ROS1: variants seen among roughly 807,000 people sequenced by gnomAD.
The protein encoded by ROS1 is proto-oncogene tyrosine-protein kinase ROS.
Under a neutral mutation model 273.5 loss-of-function variants are expected in ROS1, and 263 were observed. The observed-to-expected ratio is 0.96, with a 90% CI of 0.87 to 1.06. The LOEUF is 1.06. ROS1 is among the 50% of genes least tolerant of loss of function. The pLI, the probability that ROS1 is intolerant of heterozygous loss-of-function variation, is 0.00. For missense variants in ROS1, 2,833 were observed against 2,751.1 expected (o/e 1.03, Z -0.67); for synonymous variants, 1,008 against 954.1 (o/e 1.06, Z -1.04).
chr6:117,341,013 A>G (rs2128621144), intron 31 of ROS1, 122 bp downstream of exon 31: 1 of 657,858 alleles, frequency 1.5e-6, no homozygotes, highest in Non-Finnish European at 2.5e-6. Context: ...CATGCCAAAC[A>G]TAAATCAATG....
At chr6:117,379,001 T>A in intron 18 of ROS1, 58 bp downstream of exon 18, 1 of 1,004,768 alleles carries the variant, frequency 1.0e-6, no homozygotes, top group Non-Finnish European at 1.5e-6. Context: ...CCATGCATTA[T>A]CATTTATGAC....
chr6:117,326,091 TTATATATA>T (rs56113300), intron 34 of ROS1, 125 bp downstream of exon 34: 10,996 of 147,768 alleles, frequency 0.074, 224 homozygotes, highest in Middle Eastern at 0.13. Context: ...GATAATAAGA[TTATATATA>T]TATATATATA....
intron 43 of ROS1, among the ~76,000 whole-genome samples, chr6:117,297,293 T>C (rs1774318505): frequency 1.3e-5 from 2 of 152,144 alleles, no homozygotes; most frequent in Admixed American, 6.5e-5. Flanking sequence ...AAAACTCTTC[T>C]GGATATTGAT....
intron 19 of ROS1, 33 bp downstream of exon 19, chr6:117,366,043 T>C: frequency 2.7e-6 from 4 of 1,486,530 alleles, no homozygotes; most frequent in Non-Finnish European, 3.8e-6. Context: ...GAAGGTATAG[T>C]GGAGTAGGGT....
intron 32 of ROS1, among the ~76,000 whole-genome samples, chr6:117,332,181 A>G (rs9489127): frequency 0.14 from 20,991 of 150,964 alleles, 1,525 homozygotes; most frequent in South Asian, 0.16. Flanking sequence ...AAAAAAAAAA[A>G]GAGGGTTGCA....
intron 43 of ROS1, chr6:117,299,742 A>G (rs144874961): frequency 2.0e-5 from 3 of 152,332 alleles, no homozygotes; most frequent in Non-Finnish European, 4.4e-5. Flanking sequence ...AATAACAAGA[A>G]GTTCTAGATA....
Position 117,396,896 on chromosome 6 carries a change from T to C in ROS1, c.806+19A>G. 6.5e-7 allele frequency: 1 copy of C among 1,549,404 alleles called. No individual in the cohort carries two copies. The highest frequency in any genetic ancestry group is 8.9e-7 in the Non-Finnish European group (1 of 1,121,968). The stretch of plus-strand genomic sequence containing the variant: ...CAGCCATGCTGGTTACATTTTCCTC[T>C]GTATCACTTAATTCTTACCTGTAGA... On this transcript the variant is annotated intron_variant, in intron 8 of 43. Coordinates refer to ENST00000368507, the MANE Select transcript of ROS1 (RefSeq NM_001378902.1).
chr6:117,382,585 A>G (rs998470573), intron 17 of ROS1, among the ~76,000 whole-genome samples: 10 of 152,218 alleles, frequency 6.6e-5, no homozygotes, highest in Non-Finnish European at 1.0e-4. Flanking sequence ...AGAAAAAATT[A>G]AAATTTAGAA....
chr6:117,356,998 T>C, intron 25 of ROS1, 83 bp from the exon 26 acceptor site: 1 of 1,169,214 alleles, frequency 8.6e-7, no homozygotes, highest in Non-Finnish European at 1.2e-6. Flanking sequence ...GAGCAACTAT[T>C]GCTAATGACT....
chr6:117,399,827 A>G (rs966795623), intron 7 of ROS1, among the ~76,000 whole-genome samples: 1 of 152,232 alleles, frequency 6.6e-6, no homozygotes, highest in Non-Finnish European at 1.5e-5. Context: ...ATAATATAGT[A>G]ACCTCCCAGC....
chr6:117,389,757 T>A lies in ROS1; in HGVS notation c.1379A>T (p.Glu460Val), dbSNP rs536309296. 1 of 1,614,174 alleles carries A rather than the reference T, an allele frequency of 6.2e-7. No individual in the cohort carries two copies. The highest frequency in any genetic ancestry group is 2.2e-5 in the East Asian group (1 of 44,876). Residue 460 changes from glutamate (E) to valine (V), a missense_variant, in exon 13 of 44, where the codon GAG becomes GTG. Glu to Val is a moderately radical substitution (Grantham distance 121). Transcript: ENST00000368507. The part of the protein sequence containing the change: ...GRCAEAVRIV[E>V]SCTLKDFAIK... ...TGCAAAGTCCTTTAACGTGCAACTC[T>A]CCACAATACGCACAGCTTCTGCACA...
In ROS1 at chr6:117,347,816, C is replaced by G. The variant is rs559076654; in HGVS notation, c.4304-3554G>C. Among the ~76,000 whole-genome samples, 47 of 152,118 alleles carry G rather than the reference C, an allele frequency of 3.1e-4. 1 individual carries two copies. The South Asian group carries it at 9.7e-3, about 32-fold the overall frequency. On this transcript the variant is annotated intron_variant, in intron 27 of 43. Coordinates refer to ENST00000368507, the MANE Select transcript of ROS1 (RefSeq NM_001378902.1). ...TGTCAAAAGCATTTTCTGCATCTATCAATGTGACCGCCTGATTTTTCCTCT... is the reference window on the plus strand; with the variant it reads ...TGTCAAAAGCATTTTCTGCATCTATGAATGTGACCGCCTGATTTTTCCTCT...
chr6:117,324,282 T>G (rs1235321046), intron 35 of ROS1, 50 bp downstream of exon 35: 1 of 843,750 alleles, frequency 1.2e-6, no homozygotes, highest in Non-Finnish European at 2.0e-6. Context: ...CAATCAGGTA[T>G]GATTAAGTAA....
chr6:117,390,127 AG>A (rs1772942035), intron 12 of ROS1, among the ~76,000 whole-genome samples: 1 of 152,128 alleles, frequency 6.6e-6, no homozygotes, highest in Admixed American at 6.5e-5. Flanking sequence ...AAAAACAGGA[AG>A]GGTCTTTTAT....
At chr6:117,319,268 G>A (rs1034937618) in intron 37 of ROS1, among the ~76,000 whole-genome samples, 5 of 152,082 alleles carry the variant, frequency 3.3e-5, no homozygotes, top group Admixed American at 6.6e-5. Flanking sequence ...TACAGCCTGT[G>A]GGCCAAATCC....
chr6:117,308,804 G>T lies in ROS1; in HGVS notation c.6541C>A (p.Pro2181Thr), dbSNP rs1775312906. 6.2e-7 allele frequency: 1 copy of T among 1,612,676 alleles called. No homozygotes were observed. The highest frequency in any genetic ancestry group is 8.5e-7 in the Non-Finnish European group (1 of 1,179,364). Residue 2181 changes from proline to threonine, a missense_variant, in exon 42 of 44, where the codon CCT (proline) becomes ACT (threonine). Coordinates refer to ENST00000368507, the MANE Select transcript of ROS1 (RefSeq NM_001378902.1). ...ACATAATTAACTTACAGATCATCAG[G>T]ACAATTTCTTGGTGGCTCCAGTCTC... ...GGRLEPPRNC[P>T]DDLWNLMTQC...
intron 16 of ROS1, among the ~76,000 whole-genome samples, chr6:117,384,505 C>G (rs144892730): frequency 3.3e-5 from 5 of 152,258 alleles, no homozygotes; most frequent in Admixed American, 3.3e-4. Context: ...GATTTCAACG[C>G]ATTGGTAGTA....
At chr6:117,352,718 A>C (rs892086410) in intron 27 of ROS1, among the ~76,000 whole-genome samples, 1 of 152,162 alleles carries the variant, frequency 6.6e-6, no homozygotes, top group African/African-American at 2.4e-5. Flanking sequence ...TGGGACTGAG[A>C]AGAGAAAGAG....
At position 117,319,909 on chromosome 6, in the gene ROS1, T is replaced by C. The variant is rs765711132; in HGVS notation, c.5881A>G (p.Ile1961Val). The C allele has an allele frequency of 6.2e-7, 1 of 1,613,420 alleles. No individual in the cohort carries two copies. Residue 1961 changes from isoleucine (I) to valine (V), a missense_variant, in exon 37 of 44, where the codon ATC becomes GTC. Physicochemically the swap from Ile to Val is conservative, Grantham distance 29 (BLOSUM62 3). Coordinates refer to ENST00000368507, the MANE Select transcript of ROS1 (RefSeq NM_001378902.1). ...ATTTCTCCACTTCCAACTCCTAAGA[T>C]GTCCACTGCTGTTCCTTCATACACT... ...GEVYEGTAVD[I>V]LGVGSGEIKV...
Sources: gnomAD v4.1 joint callset for allele counts (sites outside exome capture counted in the v4.1 genomes callset) on GRCh38, gnomAD v4.1.1 for gene constraint, MANE v1.5 for transcripts, NCBI Gene and HGNC (gene_info 2026-07-23, HGNC 2026-07-21) for gene names.